Variants in SORBS2 observed in about 807,000 individuals in gnomAD.
SORBS2 encodes the protein sorbin and SH3 domain-containing protein 2.
Under a neutral mutation model 97.7 loss-of-function variants are expected in SORBS2, and 46 were observed. The ratio of observed to expected loss-of-function variants is 0.47; its 90% CI spans 0.37 to 0.60. The LOEUF (loss-of-function observed/expected upper bound fraction) is 0.60, where lower values mean the gene tolerates loss of function less well. Among genes scored for constraint, SORBS2 ranks in the 20% least tolerant of loss-of-function variants. The probability of loss-of-function intolerance (pLI) is 0.00; values close to 1 mark genes in which losing one functional copy is unlikely to be tolerated. For synonymous variants in SORBS2, 476 were observed against 473.4 expected (o/e 1.01, Z -0.07); for missense variants, 1,316 against 1,282.3 (o/e 1.03, Z -0.40).
chr4:185,787,727 A>C (rs1375742915), intron 1 of SORBS2, among the ~76,000 whole-genome samples: 3 of 152,174 alleles, frequency 2.0e-5, no homozygotes, highest in African/African-American at 7.2e-5. Context: ...TAAATCCAGC[A>C]ACGCAGATTG....
At chr4:185,845,222 G>T (rs2099213897) in intron 1 of SORBS2, among the ~76,000 whole-genome samples, 1 of 151,910 alleles carries the variant, frequency 6.6e-6, no homozygotes, top group Non-Finnish European at 1.5e-5. Context: ...GTCCCACGAG[G>T]TTGCCCAGGT....
In SORBS2 at chr4:185,947,612, G is replaced by GT. The variant is rs58097690; in HGVS notation, c.-338+8583dup. On this transcript the variant is annotated intron_variant, in intron 1 of 20. Transcript: ENST00000284776. ...GATTACAAAATCTCTTTTTTCTTGGGTTTTTTTTTTCTTTTTGAGATGGAG... is the reference window on the plus strand; with the variant it reads ...GATTACAAAATCTCTTTTTTCTTGGGTTTTTTTTTTTCTTTTTGAGATGGAG... Among the ~76,000 whole-genome samples the GT allele has an allele frequency of 4.3e-3, 646 of 150,796 alleles. 3 individuals are homozygous for GT. The highest frequency in any genetic ancestry group is 7.2e-3 in the Non-Finnish European group (487 of 67,704).
Position 185,780,007 on chromosome 4 carries a change from ATTTTT to A in SORBS2, c.-337-4646_-337-4642del, listed in dbSNP as rs538693770. Among the ~76,000 whole-genome samples the A allele has an allele frequency of 5.1e-3, 496 of 98,096 alleles. 5 individuals carry two copies. Among genetic ancestry groups the A allele is most frequent in the African/African-American group, 0.018 (440 of 24,100 alleles). The allele number at this position is 98,096 out of a possible 152,430, so 64.4% of individuals were successfully genotyped here. ...TGAAGGCTAGACTAAGTAGAGTAAC[ATTTTT>A]TTTTTTTTTTTTTTTTTTTTGAGAC... is the stretch of plus-strand genomic sequence containing the variant. On this transcript the variant is annotated intron_variant, in intron 1 of 20. Transcript: ENST00000284776.
At chr4:185,649,378 G>A (rs2153458005) in intron 3 of SORBS2, 89 bp downstream of exon 12, 1 of 1,049,870 alleles carries the variant, frequency 9.5e-7, no homozygotes. Context: ...TCTCTCTGTG[G>A]CAGGTGCACT....
Position 185,631,718 on chromosome 4 carries a change from C to T in SORBS2, c.397-1120G>A, listed in dbSNP as rs549867494. Among the ~76,000 whole-genome samples, 7 of 152,048 alleles carry T rather than the reference C, an allele frequency of 4.6e-5. No individual in the cohort carries two copies. The South Asian group carries it at 1.0e-3, about 23-fold the overall frequency. On this transcript the variant is annotated intron_variant, in intron 4 of 14. Coordinates refer to ENST00000418609, the Ensembl canonical transcript of SORBS2. ...CAGAGGTTGCAGCGAGTCGAGATGGCGCCACTGCACTCCAGCCTGGGCCAT... is the reference window on the plus strand; with the variant it reads ...CAGAGGTTGCAGCGAGTCGAGATGGTGCCACTGCACTCCAGCCTGGGCCAT...
At chr4:185,788,679 A>G (rs1408852555) in intron 1 of SORBS2, among the ~76,000 whole-genome samples, 1 of 152,206 alleles carries the variant, frequency 6.6e-6, no homozygotes, top group Non-Finnish European at 1.5e-5. Flanking sequence ...TCTTACCTGC[A>G]AAGACAGAGA....
chr4:185,783,076 A>G (rs904846420), intron 1 of SORBS2, among the ~76,000 whole-genome samples: 2 of 152,250 alleles, frequency 1.3e-5, no homozygotes, highest in Non-Finnish European at 1.5e-5. Context: ...TGACCACAGA[A>G]GTTAATTTAG....
chr4:185,832,057 G>A (rs962942999), intron 1 of SORBS2, among the ~76,000 whole-genome samples: 31 of 152,200 alleles, frequency 2.0e-4, no homozygotes, highest in African/African-American at 7.5e-4. Flanking sequence ...TTGAAGAGAA[G>A]CAATTTCAAT....
exon 15 of SORBS2, chr4:185,586,150 A>G (rs1025710298): frequency 1.4e-4 from 22 of 152,226 alleles, no homozygotes; most frequent in Admixed American, 1.3e-3. Flanking sequence ...GATCAATATC[A>G]CTGTCCATGA....
intron 1 of SORBS2, among the ~76,000 whole-genome samples, chr4:185,897,088 A>G (rs1437249797): frequency 6.6e-6 from 1 of 151,624 alleles, no homozygotes; most frequent in East Asian, 1.9e-4. Context: ...TCCTCAGCCC[A>G]ATTCTCCCCT....
chr4:185,785,230 A>C (rs199682441), intron 1 of SORBS2, among the ~76,000 whole-genome samples: 1 of 147,160 alleles, frequency 6.8e-6, no homozygotes, highest in South Asian at 2.2e-4. Flanking sequence ...AAAAAAAAAA[A>C]CAAAAAACCT....
chr4:185,922,567 T>C (rs1042509083), intron 1 of SORBS2, among the ~76,000 whole-genome samples: 3 of 152,240 alleles, frequency 2.0e-5, no homozygotes, highest in African/African-American at 7.2e-5. Context: ...ATGTTTTTTA[T>C]TGAGAGTGAT....
At chr4:185,712,953 G>GT (rs2153549309) in intron 2 of SORBS2, among the ~76,000 whole-genome samples, 1 of 152,260 alleles carries the variant, frequency 6.6e-6, no homozygotes, top group Admixed American at 6.5e-5. Context: ...TAGCTTTCCA[G>GT]TAACCTTATG....
intron 12 of SORBS2, among the ~76,000 whole-genome samples, chr4:185,596,780 G>T (rs1008577769): frequency 3.3e-5 from 5 of 151,854 alleles, no homozygotes; most frequent in Non-Finnish European, 7.4e-5. Flanking sequence ...TGATCTTCCC[G>T]CCTTGGCCTC....
In SORBS2 at chr4:185,623,966, T is replaced by C; in HGVS notation, c.1163A>G (p.Gln388Arg). 1 of 1,614,240 alleles carries C rather than the reference T, an allele frequency of 6.2e-7. No individual in the cohort carries two copies. The highest frequency in any genetic ancestry group is 2.2e-5 in the East Asian group (1 of 44,876). Residue 388 changes from glutamine to arginine, a missense_variant, in exon 7 of 15, where the codon CAG (glutamine) becomes CGG (arginine). Transcript: ENST00000418609. This position sits in a 1 kb window ranked among gnomAD's most constrained non-coding sequence, Gnocchi z 6.4. ...GGCGCGCAGCAGGTCCTTGTGCTGC[T>C]GCTCGCTCTCGTACTGCAGAATCCT...
intron 1 of SORBS2, among the ~76,000 whole-genome samples, chr4:185,953,287 C>G (rs968166850): frequency 6.6e-6 from 1 of 152,258 alleles, no homozygotes; most frequent in African/African-American, 2.4e-5. Flanking sequence ...GCACTCCAGC[C>G]TGGGTGACAG....
chr4:185,730,863 T>C (rs1190708660), intron 2 of SORBS2, among the ~76,000 whole-genome samples: 1 of 152,186 alleles, frequency 6.6e-6, no homozygotes, highest in Non-Finnish European at 1.5e-5. Context: ...TTGTGAAGCC[T>C]CAAAAGGCTG....
At chr4:185,609,293 G>T (rs2153398928) in intron 12 of SORBS2, among the ~76,000 whole-genome samples, 1 of 152,254 alleles carries the variant, frequency 6.6e-6, no homozygotes, top group South Asian at 2.1e-4. Context: ...GTTAGATTTG[G>T]AAAGTCTGTG....
intron 12 of SORBS2, among the ~76,000 whole-genome samples, chr4:185,603,516 T>G (rs1234668897): frequency 1.3e-5 from 2 of 152,208 alleles, no homozygotes; most frequent in East Asian, 1.9e-4. Flanking sequence ...GGTTTTGAGA[T>G]TGTATAAATG....
Sources: gnomAD v4.1 joint callset for allele counts (sites outside exome capture counted in the v4.1 genomes callset) on GRCh38, gnomAD v4.1.1 for gene constraint, Gnocchi (gnomAD v3.1) non-coding constraint, MANE v1.5 for transcripts, NCBI Gene and HGNC (gene_info 2026-07-23, HGNC 2026-07-21) for gene names.